CDH18: variants seen among roughly 807,000 people sequenced by gnomAD.
CDH18 encodes cadherin-18.
Under a neutral mutation model 67.9 loss-of-function variants are expected in CDH18, and 31 were observed. That is an observed-to-expected ratio of 0.46 (90% CI 0.34 to 0.62). CDH18 has a LOEUF of 0.62. CDH18 is among the 20% of genes least tolerant of loss of function. The pLI is 0.01. For synonymous variants in CDH18, 362 were observed against 347.2 expected (o/e 1.04, Z -0.48); for missense variants, 890 against 975.5 (o/e 0.91, Z 1.17).
intron 10 of CDH18, among the ~76,000 whole-genome samples, chr5:19,511,066 C>A (rs1233895506): frequency 6.6e-6 from 1 of 152,116 alleles, no homozygotes; most frequent in Non-Finnish European, 1.5e-5. Flanking sequence ...CCTGCCTTAG[C>A]CTCCCAAAGT....
At chr5:20,161,503 A>G (rs186481989) in intron 2 of CDH18, among the ~76,000 whole-genome samples, 1,619 of 152,312 alleles carry the variant, frequency 0.011, 21 homozygotes, top group South Asian at 0.029. Context: ...GACAAAGTCA[A>G]CTGGAAGTAC....
At chr5:20,335,496 C>T (rs1193734471) in intron 1 of CDH18, among the ~76,000 whole-genome samples, 2 of 152,064 alleles carry the variant, frequency 1.3e-5, no homozygotes, top group Non-Finnish European at 2.9e-5. Flanking sequence ...TCCCACCTTG[C>T]CCTCCCAAAA....
chr5:20,043,856 T>C (rs904507586), intron 2 of CDH18, among the ~76,000 whole-genome samples: 4 of 152,206 alleles, frequency 2.6e-5, no homozygotes, highest in African/African-American at 9.6e-5. Flanking sequence ...TTGATATCTA[T>C]GCCCTTTAAT....
intron 1 of CDH18, among the ~76,000 whole-genome samples, chr5:20,480,015 G>A (rs1045615785): frequency 4.6e-5 from 7 of 152,036 alleles, no homozygotes; most frequent in Non-Finnish European, 7.4e-5. Context: ...AAATTTTATC[G>A]TAGAATAATA....
chr5:19,479,790 G>A (rs563553884), intron 12 of CDH18, among the ~76,000 whole-genome samples: 10 of 151,948 alleles, frequency 6.6e-5, no homozygotes, highest in African/African-American at 2.4e-4. Context: ...TCAGATCACG[G>A]CTCAAATATG....
chr5:19,939,849 T>C (rs1794645129), intron 2 of CDH18, among the ~76,000 whole-genome samples: 1 of 151,934 alleles, frequency 6.6e-6, no homozygotes, highest in Admixed American at 6.6e-5. Flanking sequence ...GACTCATCAA[T>C]TTAAAGGAGA....
chr5:20,512,482 T>C (rs1755099857), intron 1 of CDH18, among the ~76,000 whole-genome samples: 1 of 152,184 alleles, frequency 6.6e-6, no homozygotes, highest in African/African-American at 2.4e-5. Context: ...TCTTTGTGAC[T>C]GCTATAAGAT....
chr5:20,319,983 A>G (rs2150004814), intron 1 of CDH18, among the ~76,000 whole-genome samples: 1 of 152,254 alleles, frequency 6.6e-6, no homozygotes, highest in South Asian at 2.1e-4. Context: ...CATGAATTTT[A>G]TATTCTCTCT....
chr5:19,581,122 T>A (rs1743184202), intron 7 of CDH18, among the ~76,000 whole-genome samples: 1 of 151,998 alleles, frequency 6.6e-6, no homozygotes, highest in African/African-American at 2.4e-5. Flanking sequence ...TATTCTGGCA[T>A]AATTTTTTAC....
intron 6 of CDH18, among the ~76,000 whole-genome samples, chr5:19,594,657 G>A (rs1210487985): frequency 6.6e-6 from 1 of 152,010 alleles, no homozygotes; most frequent in Non-Finnish European, 1.5e-5. Flanking sequence ...CTCCAGCTTT[G>A]TTCTTCTTTT....
At chr5:19,747,349 C>T (rs1770163387) in intron 3 of CDH18, 113 bp from the exon 4 acceptor site, 3 of 832,898 alleles carry the variant, frequency 3.6e-6, no homozygotes, top group Non-Finnish European at 5.5e-6. Context: ...CTTCCCTTTA[C>T]AGTGCCCTGT....
intron 2 of CDH18, among the ~76,000 whole-genome samples, chr5:20,143,222 C>A (rs774108844): frequency 6.6e-6 from 1 of 151,852 alleles, no homozygotes; most frequent in Non-Finnish European, 1.5e-5. Flanking sequence ...CCGATGAAGT[C>A]TCCAATGGAA....
At chr5:19,692,533 C>T (rs76370850) in intron 5 of CDH18, among the ~76,000 whole-genome samples, 140 of 150,988 alleles carry the variant, frequency 9.3e-4, no homozygotes, top group African/African-American at 2.9e-3. Flanking sequence ...AATAATTCAG[C>T]GGAAAAAAAC....
At chr5:19,650,887 A>G (rs952178325) in intron 5 of CDH18, among the ~76,000 whole-genome samples, 1 of 152,082 alleles carries the variant, frequency 6.6e-6, no homozygotes, top group South Asian at 2.1e-4. Context: ...AAGACAAAAT[A>G]TATTTTAATT....
intron 2 of CDH18, among the ~76,000 whole-genome samples, chr5:19,865,029 G>A (rs1212922677): frequency 6.6e-6 from 1 of 152,076 alleles, no homozygotes; most frequent in East Asian, 1.9e-4. Flanking sequence ...AACCTCTGCT[G>A]CCCACAATGA....
chr5:20,005,972 G>A (rs1227967063), intron 2 of CDH18, among the ~76,000 whole-genome samples: 1 of 151,810 alleles, frequency 6.6e-6, no homozygotes, highest in Non-Finnish European at 1.5e-5. Flanking sequence ...TTCCTTATGG[G>A]CATTAACATA....
chr5:19,939,981 C>A (rs1225608169), intron 2 of CDH18, among the ~76,000 whole-genome samples: 1 of 151,794 alleles, frequency 6.6e-6, no homozygotes, highest in East Asian at 1.9e-4. Context: ...AGCAAAAATG[C>A]ATAGTTCCTA....
intron 2 of CDH18, among the ~76,000 whole-genome samples, chr5:20,130,959 T>C (rs183275755): frequency 6.6e-6 from 1 of 151,358 alleles, no homozygotes; most frequent in Admixed American, 6.6e-5. Flanking sequence ...TCTAATTTAT[T>C]GTCAAACAAA....
intron 2 of CDH18, among the ~76,000 whole-genome samples, chr5:20,159,916 C>T (rs986032741): frequency 2.0e-5 from 3 of 152,030 alleles, no homozygotes; most frequent in African/African-American, 4.8e-5. Flanking sequence ...TAAATCTGAC[C>T]TCTCACCAAG....
Sources: allele counts gnomAD v4.1 joint callset (sites outside exome capture counted in the v4.1 genomes callset), GRCh38; gene constraint gnomAD v4.1.1; transcripts MANE v1.5; gene names NCBI Gene and HGNC (gene_info 2026-07-23, HGNC 2026-07-21).